The following CLDN18 variants were observed in gnomAD, a reference collection of about 807,000 sequenced individuals.
The protein encoded by CLDN18 is claudin-18.
A neutral mutation model predicts 25.0 loss-of-function variants in CLDN18; 20 were observed. That is an observed-to-expected ratio of 0.80 (90% CI 0.56 to 1.16). CLDN18 has a LOEUF of 1.16. Ranked by LOEUF, CLDN18 falls within the 50% of genes most tolerant of loss-of-function variation. The pLI is 0.00. For missense variants in CLDN18, 297 were observed against 345.4 expected (o/e 0.86, Z 1.11); for synonymous variants, 125 against 135.6 (o/e 0.92, Z 0.54).
chr3:138,007,422 C>T (rs983148204), upstream of CLDN18, among the ~76,000 whole-genome samples: 3 of 152,124 alleles, frequency 2.0e-5, no homozygotes, highest in African/African-American at 7.2e-5. Flanking sequence ...AAGCCATCAT[C>T]CTCAGCAAAC....
At chr3:137,999,648 G>A (rs567406207) in intron 1 of CLDN18, among the ~76,000 whole-genome samples, 6 of 152,314 alleles carry the variant, frequency 3.9e-5, no homozygotes, top group Admixed American at 2.6e-4. Context: ...CCAGGTTCCC[G>A]ATCTCCAGAA....
upstream of CLDN18, among the ~76,000 whole-genome samples, chr3:138,008,396 G>C (rs1942092148): frequency 6.6e-6 from 1 of 152,142 alleles, no homozygotes; most frequent in Non-Finnish European, 1.5e-5. Flanking sequence ...TTGAGGTCAG[G>C]AGTTCGAGGC....
chr3:138,023,082 C>T (rs1298369802), intron 1 of CLDN18, among the ~76,000 whole-genome samples: 4 of 152,186 alleles, frequency 2.6e-5, no homozygotes, highest in African/African-American at 7.2e-5. Context: ...TACAGCTCAC[C>T]ATAATCTTAG....
upstream of CLDN18, among the ~76,000 whole-genome samples, chr3:138,006,524 C>T (rs61235059): frequency 6.6e-6 from 1 of 152,148 alleles, no homozygotes; most frequent in Admixed American, 6.5e-5. Flanking sequence ...CAAAGTTTAC[C>T]AACCCCATTA....
intron 3 of CLDN18, among the ~76,000 whole-genome samples, chr3:138,029,217 C>T (rs1424889016): frequency 6.6e-6 from 1 of 152,112 alleles, no homozygotes; most frequent in African/African-American, 2.4e-5. Context: ...ACAATCTCAG[C>T]TCATTGCAAC....
intron 3 of CLDN18, among the ~76,000 whole-genome samples, chr3:138,026,182 T>A (rs1003352552): frequency 6.6e-6 from 1 of 152,278 alleles, no homozygotes; most frequent in East Asian, 1.9e-4. Context: ...GGGACCCCCC[T>A]CCTTCTCCTG....
At chr3:138,018,953 A>G (rs1942241431) in intron 1 of CLDN18, among the ~76,000 whole-genome samples, 2 of 152,156 alleles carry the variant, frequency 1.3e-5, no homozygotes, top group South Asian at 4.1e-4. Flanking sequence ...GCCCATAGCA[A>G]TTCACACACC....
At chr3:138,020,436 C>T (rs1942257385) in intron 1 of CLDN18, among the ~76,000 whole-genome samples, 1 of 152,224 alleles carries the variant, frequency 6.6e-6, no homozygotes, top group African/African-American at 2.4e-5. Flanking sequence ...GGTGAGAAGG[C>T]TGCTAGGGCC....
upstream of CLDN18, chr3:138,009,984 C>G: frequency 1.7e-6 from 1 of 598,566 alleles, no homozygotes. Context: ...TGCGCTGAAC[C>G]CACCCGGCCT....
At chr3:138,028,663 T>C (rs1276857172) in intron 3 of CLDN18, among the ~76,000 whole-genome samples, 1 of 152,210 alleles carries the variant, frequency 6.6e-6, no homozygotes, top group African/African-American at 2.4e-5. Flanking sequence ...GACATCCTAA[T>C]AGTTTTTGGT....
chr3:138,027,613 T>C lies in CLDN18; in HGVS notation c.504-2184T>C, dbSNP rs1369837595. Among the ~76,000 whole-genome samples the C allele has an allele frequency of 3.9e-5, 6 of 152,308 alleles. No individual in the cohort carries two copies. The East Asian group carries it at 9.7e-4, about 25-fold the overall frequency. ...GTGACAAATACTATCACAGTGGCTA[T>C]TGGGAGAATTAAACAAGATAGTGGT... On this transcript the variant is annotated intron_variant, in intron 3 of 4. Coordinates refer to ENST00000183605, the MANE Select transcript of CLDN18 (RefSeq NM_016369.4).
chr3:138,033,325 G>T lies in CLDN18; in HGVS notation c.*2184G>T, dbSNP rs568042559. The T allele has an allele frequency of 2.0e-5, 3 of 152,278 alleles. No individual in the cohort carries two copies. The East Asian group carries it at 5.8e-4, about 29-fold the overall frequency. The allele number at this position is 152,278 out of a possible 1,614,324, so 9.4% of individuals were successfully genotyped here. On this transcript the variant is annotated 3_prime_UTR_variant, in exon 5 of 5. Transcript: ENST00000183605. ...AAGAAAAAAGAAAAGCAAGGAGGAG[G>T]GTTGAGCAATCTAGAGCATGGAGTT...
upstream of CLDN18, among the ~76,000 whole-genome samples, chr3:138,005,805 T>C (rs1251955013): frequency 6.6e-6 from 1 of 152,188 alleles, no homozygotes; most frequent in Non-Finnish European, 1.5e-5. Context: ...CTCCTAGGAA[T>C]CTATCCTAAA....
chr3:138,030,365 G>A (rs998368650), intron 4 of CLDN18, among the ~76,000 whole-genome samples: 1 of 152,260 alleles, frequency 6.6e-6, no homozygotes, highest in Non-Finnish European at 1.5e-5. Flanking sequence ...AACGTCAACA[G>A]TGCTGCTGCT....
chr3:138,012,201 A>G (rs1355967832), intron 1 of CLDN18, among the ~76,000 whole-genome samples: 1 of 152,142 alleles, frequency 6.6e-6, no homozygotes, highest in Non-Finnish European at 1.5e-5. Flanking sequence ...TTAAAAGACT[A>G]AGTTTTTCCA....
chr3:138,027,152 G>A (rs528772588), intron 3 of CLDN18, among the ~76,000 whole-genome samples: 1 of 152,244 alleles, frequency 6.6e-6, no homozygotes, highest in Admixed American at 6.5e-5. Context: ...CAGAAGATCT[G>A]GCAGCATTAC....
chr3:137,999,923 G>A (rs1035608332), intron 1 of CLDN18, among the ~76,000 whole-genome samples: 19 of 152,186 alleles, frequency 1.2e-4, no homozygotes, highest in East Asian at 5.8e-4. Context: ...TAAATTTGTC[G>A]TTTTTATTTT....
chr3:138,017,357 A>G (rs184222198), intron 1 of CLDN18, among the ~76,000 whole-genome samples: 1 of 152,006 alleles, frequency 6.6e-6, no homozygotes, highest in East Asian at 1.9e-4. Flanking sequence ...TTATATGACT[A>G]TCTACATTTT....
At chr3:138,002,385 T>G (rs2107873832) in intron 1 of CLDN18, among the ~76,000 whole-genome samples, 1 of 152,338 alleles carries the variant, frequency 6.6e-6, no homozygotes, top group South Asian at 2.1e-4. Context: ...GTGAAATGCT[T>G]GCAGGTGATG....
Sources: allele counts gnomAD v4.1 joint callset (sites outside exome capture counted in the v4.1 genomes callset), GRCh38; gene constraint gnomAD v4.1.1; transcripts MANE v1.5; gene names NCBI Gene and HGNC (gene_info 2026-07-23, HGNC 2026-07-21).